UNC80: variants seen among roughly 807,000 people sequenced by gnomAD.
The protein encoded by UNC80 is protein unc-80 homolog.
Under a neutral mutation model 384.6 loss-of-function variants are expected in UNC80, and 164 were observed. The observed-to-expected ratio is 0.43, with a 90% CI of 0.38 to 0.49. UNC80 has a LOEUF of 0.49. Among genes scored for constraint, UNC80 ranks in the 20% least tolerant of loss-of-function variants. The pLI is 0.00. For missense variants in UNC80, 3,330 were observed against 4,143.0 expected, an observed-to-expected ratio of 0.80 and a Z score of 5.39; for synonymous variants, 1,486 against 1,527.8, an observed-to-expected ratio of 0.97 and a Z score of 0.64.
At chr2:209,989,670 C>T (rs1012643548) in intron 61 of UNC80, among the ~76,000 whole-genome samples, 1 of 152,110 alleles carries the variant, frequency 6.6e-6, no homozygotes, top group Non-Finnish European at 1.5e-5. Context: ...AGTGAAAACC[C>T]CTTAGTCTTC....
At chr2:209,992,543 G>A (rs899465954) in intron 62 of UNC80, among the ~76,000 whole-genome samples, 1 of 152,072 alleles carries the variant, frequency 6.6e-6, no homozygotes, top group Non-Finnish European at 1.5e-5. Flanking sequence ...ACTTTAAAAC[G>A]TGGTAAGTAC....
intron 7 of UNC80, among the ~76,000 whole-genome samples, chr2:209,807,511 C>A (rs2078979614): frequency 6.6e-6 from 1 of 151,826 alleles, no homozygotes; most frequent in Non-Finnish European, 1.5e-5. Context: ...ACTATAGGCG[C>A]CCACCACCAC....
chr2:209,878,211 T>G (rs1367570152), intron 24 of UNC80, 122 bp downstream of exon 24: 74 of 1,029,840 alleles, frequency 7.2e-5, no homozygotes, highest in Non-Finnish European at 9.5e-5. Flanking sequence ...CCACTGCTCC[T>G]TCTCCCCTTT....
chr2:209,880,912 T>G, intron 24 of UNC80, 49 bp from the exon 25 acceptor site: 1 of 1,530,694 alleles, frequency 6.5e-7, no homozygotes, highest in Non-Finnish European at 8.9e-7. Flanking sequence ...TGCATTTCTG[T>G]ATTTTTTGTT....
chr2:209,949,103 A>C (rs2092039485), intron 47 of UNC80, among the ~76,000 whole-genome samples: 1 of 152,146 alleles, frequency 6.6e-6, no homozygotes, highest in South Asian at 2.1e-4. Context: ...GTTTGCAATT[A>C]TTTTAGCATT....
intron 28 of UNC80, among the ~76,000 whole-genome samples, 168 bp from the exon 29 acceptor site, chr2:209,904,597 G>A (rs1201930675): frequency 6.6e-6 from 1 of 152,244 alleles, no homozygotes; most frequent in Admixed American, 6.5e-5. Context: ...AAAAGGCCAT[G>A]TGGATAAAGA....
At position 209,995,505 on chromosome 2, in the gene UNC80, C is replaced by G. The variant is rs146118533; in HGVS notation, c.9885C>G (p.Gly3295=). The G allele has an allele frequency of 1.6e-4, 244 of 1,551,838 alleles. No individual in the cohort carries two copies. In the African/African-American group the frequency reaches 2.5e-3, roughly 16 times the overall value. The change falls in exon 65 of 65, where the codon GGC becomes GGG. Residue 3295 remains glycine, a synonymous_variant. Transcript: ENST00000673920. ...TCCTTCATATCAGTGAGGAAAATGG[C>G]ATGGAGAACCCGCTACTATCTAGTC... ...DTVLHISEEN[G]MENPLLSSQF...
intron 36 of UNC80, among the ~76,000 whole-genome samples, chr2:209,928,637 T>C (rs550905022): frequency 1.3e-5 from 2 of 152,324 alleles, no homozygotes; most frequent in African/African-American, 2.4e-5. Context: ...TCATGGTAAT[T>C]AGCATATCCT....
intron 22 of UNC80, among the ~76,000 whole-genome samples, chr2:209,857,198 A>G (rs62201560): frequency 1.2e-4 from 18 of 152,174 alleles, no homozygotes; most frequent in Non-Finnish European, 2.2e-4. Context: ...GTTCTTCCAC[A>G]TGAAATTTTA....
chr2:209,848,572 T>C (rs1180877883), intron 21 of UNC80, among the ~76,000 whole-genome samples: 1 of 152,186 alleles, frequency 6.6e-6, no homozygotes, highest in Non-Finnish European at 1.5e-5. Context: ...TCTTTCATGC[T>C]CTTTTAAATG....
intron 21 of UNC80, among the ~76,000 whole-genome samples, chr2:209,847,067 C>T (rs1280039771): frequency 6.6e-6 from 1 of 151,950 alleles, no homozygotes; most frequent in African/African-American, 2.4e-5. Flanking sequence ...GGTAAGAGTG[C>T]AGGTTTGTGC....
At chr2:209,853,494 A>G (rs1047518551) in intron 22 of UNC80, among the ~76,000 whole-genome samples, 8 of 152,018 alleles carry the variant, frequency 5.3e-5, no homozygotes, top group African/African-American at 1.9e-4. Context: ...AATTGATTCA[A>G]TTTTAAGTCC....
At position 209,912,615 on chromosome 2, in the gene UNC80, C is replaced by A; in HGVS notation, c.4838C>A (p.Ala1613Asp). 6.4e-7 allele frequency: 1 copy of A among 1,551,350 alleles called. No individual in the cohort carries two copies. The highest frequency in any genetic ancestry group is 8.7e-7 in the Non-Finnish European group (1 of 1,146,826). The change falls in exon 30 of 65, where the codon GCC becomes GAC. Residue 1613 changes from alanine to aspartate, a missense_variant. Transcript: ENST00000673920. Reference sequence around the variant, plus strand: ...TCTCTAAAGAAGAGAGTTTCAGATGCCAATCTGGAAGGAAAAAAAGATTCC... The same window carrying A: ...TCTCTAAAGAAGAGAGTTTCAGATGACAATCTGGAAGGAAAAAAAGATTCC... ...TPSLKKRVSD[A>D]NLEGKKDSGM...
At chr2:209,980,366 G>A (rs1388160006) in intron 59 of UNC80, among the ~76,000 whole-genome samples, 1 of 152,120 alleles carries the variant, frequency 6.6e-6, no homozygotes, top group African/African-American at 2.4e-5. Flanking sequence ...AAGGAGCAAG[G>A]AAAGAAAAGT....
At chr2:209,831,634 G>T (rs771724128) in intron 16 of UNC80, 43 bp downstream of exon 16, 5 of 1,462,826 alleles carry the variant, frequency 3.4e-6, no homozygotes, top group Non-Finnish European at 3.6e-6. Context: ...CTCAGTCTCT[G>T]CCCTGAGAAA....
intron 4 of UNC80, among the ~76,000 whole-genome samples, chr2:209,777,884 C>T (rs1368964666): frequency 6.6e-6 from 1 of 152,144 alleles, no homozygotes; most frequent in Non-Finnish European, 1.5e-5. Flanking sequence ...TCCCTACTGG[C>T]CACCTCATGA....
At chr2:209,866,529 C>CAA (rs765928807) in intron 22 of UNC80, among the ~76,000 whole-genome samples, 6 of 126,614 alleles carry the variant, frequency 4.7e-5, no homozygotes, top group South Asian at 2.5e-4. Flanking sequence ...CACACACACA[C>CAA]ACACAGAGAG....
chr2:209,884,444 A>G lies in UNC80; in HGVS notation c.4110+3350A>G, dbSNP rs189146695. Among the ~76,000 whole-genome samples the G allele has an allele frequency of 2.1e-3, 327 of 152,304 alleles. 2 individuals are homozygous for G. The highest frequency in any genetic ancestry group is 7.6e-3 in the African/African-American group (316 of 41,560). ...GAGGCTGTACCAACCATGCCAACGG[A>G]ATTTAACAAATCAGGTTATAAAAAA... On this transcript the variant is annotated intron_variant, in intron 25 of 64. Transcript: ENST00000673920.
In UNC80 at chr2:209,907,721, CT is replaced by C. The variant is rs1331049106; in HGVS notation, c.4782+2761del. 6.6e-5 allele frequency among the ~76,000 whole-genome samples: 10 copies of C among 152,248 alleles called. No individual in the cohort carries two copies. The East Asian group carries it at 1.9e-3, about 29-fold the overall frequency. ...GCATGTTCTTACACTTAATTATAAG[CT>C]TTTTGAGAACTGAGGAAGTCTTTCA... On this transcript the variant is annotated intron_variant, in intron 29 of 64. Transcript: ENST00000673920.
Sources: allele counts gnomAD v4.1 joint callset (sites outside exome capture counted in the v4.1 genomes callset), GRCh38; gene constraint gnomAD v4.1.1; transcripts MANE v1.5; gene names NCBI Gene and HGNC (gene_info 2026-07-23, HGNC 2026-07-21).